The following BMF variants were observed in gnomAD, a reference collection of about 807,000 sequenced individuals.
BMF encodes the protein bcl-2-modifying factor.
Under a neutral mutation model 22.0 loss-of-function variants are expected in BMF, and 10 were observed. The ratio of observed to expected loss-of-function variants is 0.45; its 90% confidence interval spans 0.28 to 0.77. BMF has a LOEUF of 0.77. Among genes scored for constraint, BMF ranks in the 30% least tolerant of loss-of-function variants. The pLI, the probability that BMF is intolerant of heterozygous loss-of-function variation, is 0.13. For missense variants in BMF, 206 were observed against 226.8 expected (o/e 0.91, Z 0.59); for synonymous variants, 87 against 88.1 (o/e 0.99, Z 0.07).
Position 40,104,269 on chromosome 15 carries a change from C to T in BMF, c.364G>A (p.Glu122Lys), listed in dbSNP as rs758140624. The T allele has an allele frequency of 3.1e-6, 5 of 1,614,216 alleles. No individual in the cohort carries two copies. The highest frequency in any genetic ancestry group is 2.7e-5 in the African/African-American group (2 of 75,062). The change falls in exon 4 of 5, where the codon GAA (glutamate) becomes AAA (lysine). Residue 122 changes from glutamate (E) to lysine (K), a missense_variant. By Grantham distance (56) the Glu-to-Lys change is moderately conservative (BLOSUM62 1). Transcript: ENST00000354670. ...TCTGCTTGATGTTGCCACTGCCCTT[C>T]GGGGGGCTGCTCCCCAATGGGCAAG... The part of the protein sequence containing the change: ...AVLPIGEQPP[E>K]GQWQHQAEVQ...
chr15:40,106,799 G>A lies in BMF; in HGVS notation c.-5-708C>T, dbSNP rs533766017. On this transcript the variant is annotated intron_variant, in intron 2 of 4. Coordinates refer to ENST00000354670, the MANE Select transcript of BMF (RefSeq NM_001003940.2). This position sits in a 1 kb window ranked among gnomAD's most constrained non-coding sequence, Gnocchi z 4.1. ...ACCCAAGCTAGTCATTGCAGCTGCC[G>A]TCTCGGCTCTCTTTGAGCAGAGTTG... is the stretch of plus-strand genomic sequence containing the variant. 4.2e-4 allele frequency among the ~76,000 whole-genome samples: 64 copies of A among 152,286 alleles called. No homozygotes were observed. Among genetic ancestry groups the A allele is most frequent in the Non-Finnish European group, 7.6e-4 (52 of 68,020 alleles).
chr15:40,089,201 G>C lies in BMF; in HGVS notation c.*2586C>G, dbSNP rs1167126449. ...CTGGGGGTGGGGGATGGAGTCTGAG[G>C]GGGTGGAGGTCGGGGGGGAGGGGCA... On this transcript the variant is annotated 3_prime_UTR_variant, in exon 5 of 5. Transcript: ENST00000354670. 3 of 152,382 alleles carry C rather than the reference G, an allele frequency of 2.0e-5. No individual in the cohort carries two copies. The highest frequency in any genetic ancestry group is 4.1e-4 in the South Asian group (2 of 4,820). The allele number at this position is 152,382 out of a possible 1,614,324, so 9.4% of individuals were successfully genotyped here.
At chr15:40,093,425 A>G (rs2036288928) in intron 4 of BMF, among the ~76,000 whole-genome samples, 1 of 152,142 alleles carries the variant, frequency 6.6e-6, no homozygotes, top group Non-Finnish European at 1.5e-5. Flanking sequence ...GGGTGGGGAG[A>G]TGGATGGCTT....
At position 40,090,127 on chromosome 15, in the gene BMF, C is replaced by G. The variant is rs909507046; in HGVS notation, c.*1660G>C. 6.6e-6 allele frequency: 1 copy of G among 152,432 alleles called. No homozygotes were observed. Among genetic ancestry groups the G allele is most frequent in the Non-Finnish European group, 1.5e-5 (1 of 68,052 alleles). The allele number at this position is 152,432 out of a possible 1,614,324, so 9.4% of individuals were successfully genotyped here. Reference sequence around the variant, plus strand: ...GGAGAAGTAGCCCCACACCAGGGCACGCACACAGCTTAGTGAGCAGAACAC... The same window carrying G: ...GGAGAAGTAGCCCCACACCAGGGCAGGCACACAGCTTAGTGAGCAGAACAC... On this transcript the variant is annotated 3_prime_UTR_variant, in exon 5 of 5. Transcript: ENST00000354670.
At chr15:40,103,866 G>A (rs981114435) in intron 4 of BMF, among the ~76,000 whole-genome samples, 9 of 152,124 alleles carry the variant, frequency 5.9e-5, no homozygotes, top group South Asian at 2.1e-4. Flanking sequence ...CCTCAGCCAC[G>A]GCCATAAGAA....
intron 4 of BMF, among the ~76,000 whole-genome samples, chr15:40,099,221 A>C (rs1400940705): frequency 1.3e-5 from 2 of 152,208 alleles, no homozygotes; most frequent in Non-Finnish European, 2.9e-5. Flanking sequence ...AGAGAATCCC[A>C]AAGTGTCAGG....
intron 4 of BMF, among the ~76,000 whole-genome samples, chr15:40,100,112 T>G (rs1204710685): frequency 6.6e-6 from 1 of 152,238 alleles, no homozygotes; most frequent in Non-Finnish European, 1.5e-5. Flanking sequence ...TAACTACTGT[T>G]TTTGAGGATT....
At chr15:40,102,096 GAGGC>G (rs1410686931) in intron 4 of BMF, among the ~76,000 whole-genome samples, 4 of 152,140 alleles carry the variant, frequency 2.6e-5, no homozygotes, top group African/African-American at 9.7e-5. Flanking sequence ...TGCATGCAAA[GAGGC>G]AGCTCTGAAC....
At chr15:40,093,706 T>C (rs1218871161) in intron 4 of BMF, among the ~76,000 whole-genome samples, 10 of 152,270 alleles carry the variant, frequency 6.6e-5, no homozygotes, top group Middle Eastern at 3.4e-3. Context: ...CCTGAGGTGC[T>C]TGTCTGAGAA....
intron 4 of BMF, among the ~76,000 whole-genome samples, chr15:40,094,707 G>A (rs986741637): frequency 1.3e-5 from 2 of 152,198 alleles, no homozygotes; most frequent in African/African-American, 2.4e-5. Context: ...CCAGGAATCT[G>A]TATACTGAAC....
rs1595485088 is a variant in BMF at position 40,104,321 on chromosome 15, A to G, written c.312T>C (p.Leu104=). 3.7e-6 allele frequency: 6 copies of G among 1,614,154 alleles called. No individual in the cohort carries two copies. Among genetic ancestry groups the G allele is most frequent in the Non-Finnish European group, 5.1e-6 (6 of 1,180,014 alleles). The change falls in exon 4 of 5, where the codon CTT becomes CTC. Residue 104 remains leucine, a synonymous_variant. Coordinates refer to ENST00000354670, the MANE Select transcript of BMF (RefSeq NM_001003940.2). ...CTGCTGGGAAACTGGCAGGGAGAGGAAGCCGATAGCCAGCATTGCCTGCAA... is the reference window on the plus strand; with the variant it reads ...CTGCTGGGAAACTGGCAGGGAGAGGGAGCCGATAGCCAGCATTGCCTGCAA... ...RLFYGNAGYR[L]PLPASFPAVL... is the part of the protein sequence containing the mutation.
intron 4 of BMF, among the ~76,000 whole-genome samples, chr15:40,103,628 A>ACACTCTC (rs2036524792): frequency 6.6e-6 from 1 of 152,226 alleles, no homozygotes; most frequent in South Asian, 2.1e-4. Flanking sequence ...TCTCCGAGGT[A>ACACTCTC]CACTCTCCGG....
chr15:40,087,945 CACACAT>C lies in BMF; in HGVS notation c.*3836_*3841del, dbSNP rs2036164689. On this transcript the variant is annotated 3_prime_UTR_variant, in exon 5 of 5. Coordinates refer to ENST00000354670, the MANE Select transcript of BMF (RefSeq NM_001003940.2). ...ACCAATTGATGGGGGGAAAGATATA[CACACAT>C]ACACACATATGCATGTGAAGAACAT... 1 of 152,232 alleles carries C rather than the reference CACACAT, an allele frequency of 6.6e-6. No homozygotes were observed. Among genetic ancestry groups the C allele is most frequent in the African/African-American group, 2.4e-5 (1 of 41,404 alleles). 9.4% of individuals were successfully genotyped at this position (152,232 alleles called of 1,614,324 possible). A position where few individuals can be genotyped will look rare whatever the true frequency, so the allele number is the denominator to read the frequency against.
At chr15:40,093,605 A>C (rs2036294152) in intron 4 of BMF, among the ~76,000 whole-genome samples, 1 of 152,190 alleles carries the variant, frequency 6.6e-6, no homozygotes, top group African/African-American at 2.4e-5. Context: ...CTGCTGACCG[A>C]GACAGGTGCA....
chr15:40,098,700 G>C (rs2036413993), intron 4 of BMF, among the ~76,000 whole-genome samples: 1 of 151,956 alleles, frequency 6.6e-6, no homozygotes, highest in African/African-American at 2.4e-5. Flanking sequence ...AGGCAAACCA[G>C]TCATTTTTCT....
chr15:40,105,163 A>G (rs1181551086), intron 3 of BMF, among the ~76,000 whole-genome samples: 3 of 152,132 alleles, frequency 2.0e-5, no homozygotes, highest in Non-Finnish European at 2.9e-5. Context: ...CCCTCCCTCC[A>G]TAAGCTGCAG....
intron 4 of BMF, 44 bp downstream of exon 4, chr15:40,104,136 G>A: frequency 2.5e-6 from 4 of 1,608,082 alleles, no homozygotes; most frequent in Non-Finnish European, 3.4e-6. Flanking sequence ...TGGCCCCCAA[G>A]CCCCAGCAGA....
At chr15:40,093,395 G>A (rs1595473174) in intron 4 of BMF, among the ~76,000 whole-genome samples, 2 of 152,258 alleles carry the variant, frequency 1.3e-5, no homozygotes, top group African/African-American at 4.8e-5. Context: ...GCGTGCCACA[G>A]AAGAGGCCTG....
intron 1 of BMF, 155 bp from the exon 2 acceptor site, chr15:40,108,541 C>T (rs2036634196): frequency 6.5e-6 from 1 of 152,728 alleles, no homozygotes; most frequent in Non-Finnish European, 1.5e-5. Context: ...CTGGACCCAA[C>T]TCCTTCGAGT....
Sources: allele counts gnomAD v4.1 joint callset (sites outside exome capture counted in the v4.1 genomes callset), GRCh38; gene constraint gnomAD v4.1.1; non-coding constraint Gnocchi (gnomAD v3.1); transcripts MANE v1.5; gene names NCBI Gene and HGNC (gene_info 2026-07-23, HGNC 2026-07-21).